The following DPP4 variants were observed in gnomAD, a reference collection of about 807,000 sequenced individuals.
DPP4 encodes the protein dipeptidyl peptidase 4.
Under a neutral mutation model 122.4 loss-of-function variants are expected in DPP4, and 93 were observed. The ratio of observed to expected loss-of-function variants is 0.76; its 90% CI spans 0.64 to 0.90. The LOEUF is 0.90. DPP4 is among the 40% of genes least tolerant of loss of function. The pLI, the probability that DPP4 is intolerant of heterozygous loss-of-function variation, is 0.00. For missense variants in DPP4, 914 were observed against 907.3 expected, an observed-to-expected ratio of 1.01 and a Z score of -0.09; for synonymous variants, 321 against 302.9, an observed-to-expected ratio of 1.06 and a Z score of -0.62.
At chr2:162,004,621 C>CT (rs1405236597) in intron 23 of DPP4, among the ~76,000 whole-genome samples, 10 of 152,052 alleles carry the variant, frequency 6.6e-5, no homozygotes, top group Admixed American at 3.3e-4. Flanking sequence ...ACACATACAC[C>CT]TTACTCATTA....
chr2:162,009,013 T>G (rs1258113222), intron 21 of DPP4, among the ~76,000 whole-genome samples: 1 of 152,028 alleles, frequency 6.6e-6, no homozygotes, highest in Non-Finnish European at 1.5e-5. Flanking sequence ...CTTCCCTCCC[T>G]CTTTCACTCC....
intron 2 of DPP4, among the ~76,000 whole-genome samples, chr2:162,072,669 C>G (rs1469941456): frequency 1.3e-5 from 2 of 152,184 alleles, no homozygotes; most frequent in Non-Finnish European, 2.9e-5. Context: ...ACTAGTAGTT[C>G]TCACTTGCTT....
intron 4 of DPP4, 182 bp downstream of exon 4, chr2:162,046,733 G>A (rs769310023): frequency 2.6e-5 from 17 of 658,002 alleles, no homozygotes; most frequent in South Asian, 1.4e-4. Context: ...AAGAGGAATC[G>A]TCAAAGGAGA....
chr2:162,031,773 TG>T (rs1277064754), intron 10 of DPP4, among the ~76,000 whole-genome samples: 1 of 152,156 alleles, frequency 6.6e-6, no homozygotes, highest in African/African-American at 2.4e-5. Flanking sequence ...TTTATCTGAA[TG>T]TTTTCTATCA....
intron 8 of DPP4, among the ~76,000 whole-genome samples, chr2:162,037,148 C>A (rs991008568): frequency 2.0e-5 from 3 of 152,184 alleles, no homozygotes; most frequent in African/African-American, 7.2e-5. Flanking sequence ...AGCTGTGAAG[C>A]TGTTCTGCAT....
rs531436485 is a variant in DPP4, at chr2:161,993,958, T to C, written c.2200-574A>G. On this transcript the variant is annotated intron_variant, in intron 25 of 25. Transcript: ENST00000360534. ...GTGAAGTCAAAAATCAGATGTATTA[T>C]TTGTAAACACTTAGATTTTAAACTG... Among the ~76,000 whole-genome samples, 17 of 152,350 alleles carry C rather than the reference T, an allele frequency of 1.1e-4. No individual in the cohort carries two copies. In the East Asian group the frequency reaches 3.3e-3, roughly 29 times the overall value.
intron 17 of DPP4, 97 bp downstream of exon 17, chr2:162,017,011 C>A: frequency 6.8e-7 from 1 of 1,462,072 alleles, no homozygotes; most frequent in Non-Finnish European, 9.4e-7. Flanking sequence ...ATTGTCAAGA[C>A]ACAAAGCCAA....
intron 8 of DPP4, among the ~76,000 whole-genome samples, chr2:162,036,263 A>C (rs1257171904): frequency 6.6e-6 from 1 of 152,202 alleles, no homozygotes; most frequent in East Asian, 1.9e-4. Context: ...ATCAGTTTTC[A>C]GATGCCTGAT....
At chr2:162,051,618 T>A (rs1684386894) in intron 2 of DPP4, among the ~76,000 whole-genome samples, 1 of 152,258 alleles carries the variant, frequency 6.6e-6, no homozygotes, top group Non-Finnish European at 1.5e-5. Flanking sequence ...CTTGTATCTA[T>A]GATGGGTATA....
intron 7 of DPP4, 64 bp from the exon 8 acceptor site, chr2:162,038,486 T>C (rs1683868329): frequency 1.1e-5 from 17 of 1,489,652 alleles, no homozygotes; most frequent in Admixed American, 2.2e-5. Flanking sequence ...CCCGGAATTG[T>C]AGAAACACTT....
chr2:162,031,781 A>G (rs1283866169), intron 10 of DPP4, among the ~76,000 whole-genome samples: 1 of 152,122 alleles, frequency 6.6e-6, no homozygotes, highest in Non-Finnish European at 1.5e-5. Flanking sequence ...AATGTTTTCT[A>G]TCATCTACTG....
At position 161,995,046 on chromosome 2, in the gene DPP4, G is replaced by A; in HGVS notation, c.2126-12C>T. ...AAAGTGAACGTTATCTGCAGGGAGAGAAAGGAAACATAAAGTAGCTAATAG... is the reference window on the plus strand; with the variant it reads ...AAAGTGAACGTTATCTGCAGGGAGAAAAAGGAAACATAAAGTAGCTAATAG... On this transcript the variant is annotated splice_polypyrimidine_tract_variant and intron_variant, in intron 24 of 25. Transcript: ENST00000360534. 2 of 1,613,972 alleles carry A rather than the reference G, an allele frequency of 1.2e-6. No homozygotes were observed. Among genetic ancestry groups the A allele is most frequent in the Non-Finnish European group, 8.5e-7 (1 of 1,179,930 alleles).
chr2:162,039,550 T>C (rs1683914896), intron 5 of DPP4, among the ~76,000 whole-genome samples: 1 of 152,222 alleles, frequency 6.6e-6, no homozygotes, highest in East Asian at 1.9e-4. Context: ...ATTTAAACGA[T>C]ATATGATGCT....
intron 13 of DPP4, 40 bp downstream of exon 13, chr2:162,020,541 A>C: frequency 6.6e-7 from 1 of 1,512,336 alleles, no homozygotes. Context: ...CAAAAAAAAA[A>C]AAGAGGTCAA....
chr2:162,033,684 G>T (rs772287950), intron 9 of DPP4, 31 bp from the exon 10 acceptor site: 2 of 1,411,446 alleles, frequency 1.4e-6, no homozygotes, highest in South Asian at 1.3e-5. Flanking sequence ...AATTGGTATT[G>T]ACAAAAAAAA....
chr2:162,073,759 G>A (rs1685209670), intron 1 of DPP4, among the ~76,000 whole-genome samples: 2 of 152,134 alleles, frequency 1.3e-5, no homozygotes. Context: ...TGGCTCTCCG[G>A]GACATTCAAA....
At chr2:162,043,436 A>G (rs1315664120) in intron 5 of DPP4, among the ~76,000 whole-genome samples, 3 of 152,200 alleles carry the variant, frequency 2.0e-5, no homozygotes, top group Non-Finnish European at 4.4e-5. Flanking sequence ...TGAAGCATAG[A>G]TGGCAGGGGG....
At position 162,054,419 on chromosome 2, in the gene DPP4, T is replaced by C. The variant is rs568697645; in HGVS notation, c.95-6918A>G. The stretch of plus-strand genomic sequence containing the variant: ...GAAAAAGTTAAGATTTGGGGGGCTA[T>C]TAGGATGGAATGAATGCATTTTGCG... On this transcript the variant is annotated intron_variant, in intron 2 of 25. Transcript: ENST00000360534. 1.6e-4 allele frequency among the ~76,000 whole-genome samples: 24 copies of C among 152,292 alleles called. No individual in the cohort carries two copies. The East Asian group carries it at 4.1e-3, about 26-fold the overall frequency.
At chr2:162,073,860 G>A (rs1421628257) in intron 1 of DPP4, 116 bp downstream of exon 1, 1 of 1,420,276 alleles carries the variant, frequency 7.0e-7, no homozygotes, top group Admixed American at 2.3e-5. Context: ...GTGGCCTTGG[G>A]GCTTCCGCCT....
Sources: gnomAD v4.1 joint callset for allele counts (sites outside exome capture counted in the v4.1 genomes callset) on GRCh38, gnomAD v4.1.1 for gene constraint, MANE v1.5 for transcripts, NCBI Gene and HGNC (gene_info 2026-07-23, HGNC 2026-07-21) for gene names.